DCDC2C: variants seen among roughly 807,000 people sequenced by gnomAD.
The protein encoded by DCDC2C is doublecortin domain-containing protein 2C.
DCDC2C carries 44 observed loss-of-function variants against 45.0 expected under a neutral mutation model. That is an observed-to-expected ratio of 0.98 (90% CI 0.77 to 1.26). The LOEUF is 1.26. Among genes scored for constraint, DCDC2C ranks in the 50% most tolerant of loss-of-function variants. The pLI is 0.00. For synonymous variants in DCDC2C, 187 were observed against 178.8 expected (o/e 1.05, Z -0.37); for missense variants, 447 against 468.9 (o/e 0.95, Z 0.43).
intron 3 of DCDC2C, among the ~76,000 whole-genome samples, chr2:3,727,297 C>T (rs1163829437): frequency 6.6e-6 from 1 of 152,024 alleles, no homozygotes; most frequent in African/African-American, 2.4e-5. Context: ...TCTTTCTCCT[C>T]TTGAACCCTG....
intron 10 of DCDC2C, among the ~76,000 whole-genome samples, chr2:3,845,082 T>G (rs1351213539): frequency 1.3e-5 from 2 of 152,220 alleles, no homozygotes; most frequent in African/African-American, 4.8e-5. Flanking sequence ...ACATTTTTGG[T>G]GGCTAAGCGA....
At chr2:3,798,293 C>G (rs1300561033) in intron 10 of DCDC2C, among the ~76,000 whole-genome samples, 2 of 151,722 alleles carry the variant, frequency 1.3e-5, no homozygotes, top group African/African-American at 4.8e-5. Context: ...TTCCTGAATA[C>G]AGCACACTGA....
At chr2:3,817,231 G>C (rs1558240737) in intron 10 of DCDC2C, among the ~76,000 whole-genome samples, 1 of 152,196 alleles carries the variant, frequency 6.6e-6, no homozygotes, top group African/African-American at 2.4e-5. Flanking sequence ...CCCTTGCAGT[G>C]AATGACTCCA....
At position 3,847,493 on chromosome 2, in the gene DCDC2C, C is replaced by G. The variant is rs1672361813; in HGVS notation, c.*310C>G. 1 of 222,906 alleles carries G rather than the reference C, an allele frequency of 4.5e-6. No homozygotes were observed. Among genetic ancestry groups the G allele is most frequent in the Non-Finnish European group, 8.7e-6 (1 of 114,630 alleles). The allele number at this position is 222,906 out of a possible 1,614,324, so 13.8% of individuals were successfully genotyped here. The stretch of plus-strand genomic sequence containing the variant: ...AAAAAACGTGTGTATATTTTCCCCT[C>G]ATGATATTTTTTTCCTGGAATGTGT... On this transcript the variant is annotated 3_prime_UTR_variant, in exon 11 of 11. Transcript: ENST00000399143.
At chr2:3,788,368 G>A (rs1000208633) in intron 10 of DCDC2C, 1 of 152,158 alleles carries the variant, frequency 6.6e-6, no homozygotes, top group African/African-American at 2.4e-5. Flanking sequence ...TACACCGGGT[G>A]TGTAGTTTGC....
chr2:3,841,429 TATTC>T (rs1204566680), intron 10 of DCDC2C, among the ~76,000 whole-genome samples: 2 of 138,622 alleles, frequency 1.4e-5, no homozygotes, highest in Non-Finnish European at 3.1e-5. Context: ...AATATATTAA[TATTC>T]ATATACATAC....
intron 6 of DCDC2C, among the ~76,000 whole-genome samples, chr2:3,766,361 A>G (rs1670013711): frequency 6.6e-6 from 1 of 152,074 alleles, no homozygotes; most frequent in Non-Finnish European, 1.5e-5. Context: ...GGCCAAAGTT[A>G]TGGAAAATGT....
At chr2:3,732,206 A>C (rs952229271) in intron 3 of DCDC2C, among the ~76,000 whole-genome samples, 12 of 152,054 alleles carry the variant, frequency 7.9e-5, no homozygotes, top group African/African-American at 2.9e-4. Flanking sequence ...GAGAAGATTT[A>C]GTCTGTTAGG....
chr2:3,754,724 G>A (rs1209881561), intron 6 of DCDC2C, 90 bp downstream of exon 6: 17 of 1,189,820 alleles, frequency 1.4e-5, no homozygotes, highest in South Asian at 2.9e-5. Flanking sequence ...GTGACGGCCC[G>A]AGCTGTAAAC....
At chr2:3,837,310 C>A (rs1177539887) in intron 10 of DCDC2C, among the ~76,000 whole-genome samples, 1 of 152,192 alleles carries the variant, frequency 6.6e-6, no homozygotes, top group Admixed American at 6.5e-5. Flanking sequence ...AGCTGAGAAC[C>A]GGCTTGTATT....
rs554564430 is a variant in DCDC2C at position 3,717,889 on chromosome 2, G to A, written c.340-9114G>A. On this transcript the variant is annotated intron_variant, in intron 2 of 10. Coordinates refer to ENST00000399143, the MANE Select transcript of DCDC2C (RefSeq NM_001287444.2). ...TCTGCCTTGTTTAACTCAACTGACT[G>A]TTTTCTGCTTATAATTTAGGTCTCA... 2.0e-5 allele frequency among the ~76,000 whole-genome samples: 3 copies of A among 152,316 alleles called. No homozygotes were observed. The East Asian group carries it at 5.8e-4, about 29-fold the overall frequency.
At position 3,836,861 on chromosome 2, in the gene DCDC2C, C is replaced by CAAA. The variant is rs58586640; in HGVS notation, c.1066-10280_1066-10278dup. On this transcript the variant is annotated intron_variant, in intron 10 of 10. Coordinates refer to ENST00000399143, the MANE Select transcript of DCDC2C (RefSeq NM_001287444.2). ...TGGGCGACAGAGCGAGACTCCGTCTCAAAAAAAAAAAAAAAGAGTACACTG... is the reference window on the plus strand; with the variant it reads ...TGGGCGACAGAGCGAGACTCCGTCTCAAAAAAAAAAAAAAAAAAGAGTACACTG... Among the ~76,000 whole-genome samples the CAAA allele has an allele frequency of 1.1e-3, 153 of 136,524 alleles. 3 individuals carry two copies. Among genetic ancestry groups the CAAA allele is most frequent in the African/African-American group, 1.4e-3 (51 of 36,624 alleles). The allele number at this position is 136,524 out of a possible 152,430, so 89.6% of individuals were successfully genotyped here.
At chr2:3,821,728 T>C (rs1417870163) in intron 10 of DCDC2C, among the ~76,000 whole-genome samples, 2 of 152,256 alleles carry the variant, frequency 1.3e-5, no homozygotes, top group African/African-American at 4.8e-5. Flanking sequence ...ATTCCTGGGG[T>C]AAACCCCACT....
At chr2:3,753,505 G>C (rs1227783429) in intron 5 of DCDC2C, among the ~76,000 whole-genome samples, 1 of 152,140 alleles carries the variant, frequency 6.6e-6, no homozygotes, top group Non-Finnish European at 1.5e-5. Context: ...AATGCATTTC[G>C]TGTAGGACAT....
chr2:3,799,758 C>A (rs1278573300), intron 10 of DCDC2C, among the ~76,000 whole-genome samples: 1 of 152,272 alleles, frequency 6.6e-6, no homozygotes, highest in Non-Finnish European at 1.5e-5. Context: ...GGGAGAACCA[C>A]TGCTCTCTTC....
chr2:3,823,870 G>C (rs930738659), intron 10 of DCDC2C, among the ~76,000 whole-genome samples: 7 of 152,174 alleles, frequency 4.6e-5, no homozygotes, highest in African/African-American at 1.7e-4. Context: ...TTTTCCACTA[G>C]AGCAGGATTT....
chr2:3,820,111 G>A (rs1671651038), intron 10 of DCDC2C, among the ~76,000 whole-genome samples: 1 of 152,064 alleles, frequency 6.6e-6, no homozygotes, highest in Non-Finnish European at 1.5e-5. Flanking sequence ...GACTAGGGTG[G>A]GACCAATGTG....
Position 3,769,319 on chromosome 2 carries a change from G to C in DCDC2C, c.862G>C (p.Val288Leu). ...PLVQRGAEGD[V>L]YKAPTPSKET... ...GTGTGATTTTCTCCCAGAAGGTGAC[G>C]TGTATAAAGCACCGACTCCTAGCAA... The change falls in exon 8 of 11, where the codon GTG becomes CTG. Residue 288 changes from valine to leucine, a missense_variant. Physicochemically the swap from Val to Leu is conservative, Grantham distance 32. Transcript: ENST00000399143. 6.5e-7 allele frequency: 1 copy of C among 1,550,134 alleles called. No homozygotes were observed. The highest frequency in any genetic ancestry group is 1.2e-5 in the South Asian group (1 of 84,038).
At chr2:3,824,443 TG>T (rs1408598700) in intron 10 of DCDC2C, among the ~76,000 whole-genome samples, 1 of 152,218 alleles carries the variant, frequency 6.6e-6, no homozygotes, top group African/African-American at 2.4e-5. Context: ...GATGGTGGGC[TG>T]GATTTGATAC....
Sources: allele counts gnomAD v4.1 joint callset (sites outside exome capture counted in the v4.1 genomes callset), GRCh38; gene constraint gnomAD v4.1.1; transcripts MANE v1.5; gene names NCBI Gene and HGNC (gene_info 2026-07-23, HGNC 2026-07-21).